Variants in GULP1 observed in about 807,000 individuals in gnomAD.
The protein encoded by GULP1 is GULP PTB domain containing engulfment adaptor 1.
Under a neutral mutation model 40.9 loss-of-function variants are expected in GULP1, and 19 were observed. The ratio of observed to expected loss-of-function variants is 0.46; its 90% CI spans 0.32 to 0.68. The LOEUF (loss-of-function observed/expected upper bound fraction) is 0.68. Among genes scored for constraint, GULP1 ranks in the 30% least tolerant of loss-of-function variants. GULP1 has a pLI of 0.03. For missense variants in GULP1, 312 were observed against 362.2 expected (o/e 0.86, Z 1.12); for synonymous variants, 119 against 117.6 (o/e 1.01, Z -0.08).
chr2:188,340,552 C>CGT (rs2042826162), intron 1 of GULP1, among the ~76,000 whole-genome samples: 1 of 152,134 alleles, frequency 6.6e-6, no homozygotes, highest in African/African-American at 2.4e-5. Context: ...CCTCAGAGGG[C>CGT]TTGTGTTGCC....
chr2:188,344,778 G>A (rs2043402216), intron 1 of GULP1, among the ~76,000 whole-genome samples: 1 of 151,938 alleles, frequency 6.6e-6, no homozygotes, highest in African/African-American at 2.4e-5. Flanking sequence ...TGACACTCTT[G>A]GATTTTTTAA....
At chr2:188,383,701 TTAAAA>T (rs1242751739) in intron 1 of GULP1, 57 bp from the exon 2 acceptor site, 2 of 151,942 alleles carry the variant, frequency 1.3e-5, no homozygotes, top group African/African-American at 4.9e-5. Context: ...GACTTCTAAA[TTAAAA>T]TAAACAGAAA....
chr2:188,444,226 A>T (rs2152883503), intron 2 of GULP1, among the ~76,000 whole-genome samples: 1 of 152,290 alleles, frequency 6.6e-6, no homozygotes, highest in South Asian at 2.1e-4. Context: ...TAATATGATG[A>T]CTGTAGTTAA....
chr2:188,399,706 A>C (rs984561603), intron 2 of GULP1, among the ~76,000 whole-genome samples: 21 of 149,944 alleles, frequency 1.4e-4, no homozygotes, highest in African/African-American at 3.7e-4. Flanking sequence ...AAAAAAAAAA[A>C]AAAAAAAACA....
chr2:188,502,750 A>G (rs976167871), intron 4 of GULP1, among the ~76,000 whole-genome samples: 2 of 151,988 alleles, frequency 1.3e-5, no homozygotes, highest in Non-Finnish European at 2.9e-5. Context: ...TTTCCTAGAA[A>G]GTCTCTTAGT....
intron 7 of GULP1, chr2:188,541,743 A>G (rs1690548108): frequency 4.2e-6 from 1 of 236,872 alleles, no homozygotes; most frequent in Admixed American, 5.3e-5. Context: ...TCTTAACTCC[A>G]GGAAATATGA....
chr2:188,430,350 G>C (rs1419191714), intron 2 of GULP1, among the ~76,000 whole-genome samples: 3 of 152,190 alleles, frequency 2.0e-5, no homozygotes, highest in African/African-American at 7.2e-5. Context: ...TCTTAAGCTA[G>C]TTATCAAAAA....
intron 1 of GULP1, among the ~76,000 whole-genome samples, chr2:188,349,295 A>G (rs1042209493): frequency 1.3e-4 from 20 of 152,244 alleles, no homozygotes; most frequent in African/African-American, 4.6e-4. Context: ...TGGTAACTCT[A>G]TGTTTAATAT....
intron 1 of GULP1, among the ~76,000 whole-genome samples, chr2:188,352,612 T>A (rs879401861): frequency 0.043 from 1,824 of 42,480 alleles, 17 homozygotes; most frequent in Non-Finnish European, 0.052. Flanking sequence ...TCTCTCTCTC[T>A]CTCTCTCACA....
At chr2:188,343,707 T>G (rs925098760) in intron 1 of GULP1, among the ~76,000 whole-genome samples, 1 of 152,222 alleles carries the variant, frequency 6.6e-6, no homozygotes, top group African/African-American at 2.4e-5. Flanking sequence ...ATCTCATTAT[T>G]TCCTCAAAGG....
At chr2:188,369,753 G>A (rs1038373169) in intron 1 of GULP1, among the ~76,000 whole-genome samples, 1 of 152,106 alleles carries the variant, frequency 6.6e-6, no homozygotes, top group Non-Finnish European at 1.5e-5. Context: ...CTGTGTCTTT[G>A]GTTTTCTGCT....
intron 2 of GULP1, among the ~76,000 whole-genome samples, chr2:188,402,643 TTCTC>T (rs931600230): frequency 9.9e-5 from 15 of 152,008 alleles, no homozygotes; most frequent in Non-Finnish European, 1.0e-4. Context: ...TTAAATGACT[TTCTC>T]TATACAAAAT....
chr2:188,565,335 A>T (rs1559384817), intron 7 of GULP1, among the ~76,000 whole-genome samples: 1 of 152,006 alleles, frequency 6.6e-6, no homozygotes, highest in Non-Finnish European at 1.5e-5. Context: ...ACTCCTAAAA[A>T]TCACAAATAA....
chr2:188,500,758 C>A (rs2063352479), intron 4 of GULP1, among the ~76,000 whole-genome samples: 1 of 151,884 alleles, frequency 6.6e-6, no homozygotes, highest in South Asian at 2.1e-4. Context: ...TCCTAATAGT[C>A]CTCTGCCTTT....
At chr2:188,554,030 T>C (rs1694150881) in intron 7 of GULP1, among the ~76,000 whole-genome samples, 1 of 152,024 alleles carries the variant, frequency 6.6e-6, no homozygotes, top group Admixed American at 6.6e-5. Flanking sequence ...TTAGTTTATT[T>C]AGATATTCTC....
intron 1 of GULP1, among the ~76,000 whole-genome samples, chr2:188,376,708 AT>A (rs1461888976): frequency 1.3e-5 from 2 of 152,240 alleles, no homozygotes; most frequent in African/African-American, 4.8e-5. Flanking sequence ...ATTGTCAAAG[AT>A]TAAAAAGATA....
intron 2 of GULP1, among the ~76,000 whole-genome samples, chr2:188,386,707 C>T (rs1321010130): frequency 1.3e-5 from 2 of 151,968 alleles, no homozygotes; most frequent in South Asian, 2.1e-4. Context: ...ATTGTTATTG[C>T]TGAGTTTACC....
chr2:188,552,309 T>C (rs1218142729), intron 7 of GULP1, among the ~76,000 whole-genome samples: 1 of 151,836 alleles, frequency 6.6e-6, no homozygotes, highest in Non-Finnish European at 1.5e-5. Context: ...AGATATTACA[T>C]TTAAGTTTTT....
chr2:188,399,702 A>AAAC (rs1337600566), intron 2 of GULP1, among the ~76,000 whole-genome samples: 12 of 149,176 alleles, frequency 8.0e-5, no homozygotes, highest in South Asian at 2.1e-4. Flanking sequence ...AAAAAAAAAA[A>AAAC]AAAAAAAAAA....
Sources: allele counts gnomAD v4.1 joint callset (sites outside exome capture counted in the v4.1 genomes callset), GRCh38; gene constraint gnomAD v4.1.1; transcripts MANE v1.5; gene names NCBI Gene and HGNC (gene_info 2026-07-23, HGNC 2026-07-21).